The following SRP14 variants were observed in gnomAD, a reference collection of about 807,000 sequenced individuals.
SRP14 encodes signal recognition particle 14, also known as signal recognition particle 14 kDa protein.
A neutral mutation model predicts 16.0 loss-of-function variants in SRP14; 1 was observed. The ratio of observed to expected loss-of-function variants is 0.06; its 90% CI spans 0.02 to 0.30. The LOEUF is 0.30. Ranked by LOEUF, SRP14 falls within the 10% of genes least tolerant of loss-of-function variation. The pLI is 1.00. For synonymous variants in SRP14, 67 were observed against 60.1 expected (o/e 1.12, Z -0.53); for missense variants, 120 against 163.1 (o/e 0.74, Z 1.44).
intron 3 of SRP14, chr15:40,037,278 G>GAAAAAAAAAAAAAAAAAAAA: frequency 5.2e-6 from 1 of 193,392 alleles, no homozygotes; most frequent in Non-Finnish European, 6.7e-6. Context: ...CTCCTTTTGG[G>GAAAAAAAAAAAAAAAAAAAA]GAAAAAAAAA....
rs2035682806 is a variant in SRP14, at chr15:40,039,180, CT to C, written c.-65del. The stretch of plus-strand genomic sequence containing the variant: ...TAGCAGTGAGAGCCGGAAGTTCGGC[CT>C]AGGCTGGGCGGGACTTCCGCTACTA... On this transcript the variant is annotated 5_prime_UTR_variant, in exon 1 of 5. Coordinates refer to ENST00000267884, the MANE Select transcript of SRP14 (RefSeq NM_003134.6). 1.3e-5 allele frequency: 21 copies of C among 1,569,526 alleles called. No individual in the cohort carries two copies. Among genetic ancestry groups the C allele is most frequent in the Non-Finnish European group, 1.8e-5 (21 of 1,160,288 alleles).
Position 40,039,167 on chromosome 15 carries a change from C to T in SRP14, c.-51G>A, listed in dbSNP as rs2035682457. On this transcript the variant is annotated 5_prime_UTR_variant, in exon 1 of 5. Coordinates refer to ENST00000267884, the MANE Select transcript of SRP14 (RefSeq NM_003134.6). The stretch of plus-strand genomic sequence containing the variant: ...CCGCTTAAGCCCCTAGCAGTGAGAG[C>T]CGGAAGTTCGGCCTAGGCTGGGCGG... The T allele has an allele frequency of 6.3e-7, 1 of 1,590,454 alleles. No homozygotes were observed. Among genetic ancestry groups the T allele is most frequent in the Admixed American group, 1.7e-5 (1 of 57,592 alleles).
chr15:40,036,556 C>G, intron 4 of SRP14, 56 bp from the exon 5 acceptor site: 3 of 1,553,330 alleles, frequency 1.9e-6, no homozygotes, highest in South Asian at 1.1e-5. Flanking sequence ...TGGCAGAACA[C>G]CAGCCCTATC....
chr15:40,036,570 A>G (rs1243941936), intron 4 of SRP14, 70 bp from the exon 5 acceptor site: 4 of 1,512,580 alleles, frequency 2.6e-6, no homozygotes, highest in Non-Finnish European at 2.7e-6. Context: ...CCCTATCTGC[A>G]TAATGGATTT....
Position 40,036,251 on chromosome 15 carries a change from G to A in SRP14, c.*82C>T. The A allele has an allele frequency of 1.3e-6, 2 of 1,584,652 alleles. No homozygotes were observed. The highest frequency in any genetic ancestry group is 8.6e-7 in the Non-Finnish European group (1 of 1,161,418). On this transcript the variant is annotated 3_prime_UTR_variant, in exon 5 of 5. Transcript: ENST00000267884. The stretch of plus-strand genomic sequence containing the variant: ...TTATGTGAAAACACCTACTGTGGGG[G>A]AACCAGAAACCTAGCTATCTGGCCA...
intron 3 of SRP14, among the ~76,000 whole-genome samples, chr15:40,037,701 C>CTTG (rs79734328): frequency 0.24 from 5,594 of 23,442 alleles, 92 homozygotes; most frequent in Non-Finnish European, 0.37. Context: ...CTCAAGATAA[C>CTTG]TCAAGACTTC....
chr15:40,038,205 C>T (rs776094269), intron 3 of SRP14, 77 bp downstream of exon 3: 13 of 1,186,266 alleles, frequency 1.1e-5, no homozygotes, highest in Non-Finnish European at 1.5e-5. Context: ...AAATAAAAGC[C>T]TGGTTCAGAA....
intron 3 of SRP14, among the ~76,000 whole-genome samples, chr15:40,037,949 G>A (rs1430735836): frequency 2.0e-5 from 3 of 152,162 alleles, no homozygotes; most frequent in Admixed American, 6.5e-5. Flanking sequence ...AGCATCACCT[G>A]GTACCAAGAA....
chr15:40,038,142 G>A, intron 3 of SRP14, 140 bp downstream of exon 3: 3 of 672,954 alleles, frequency 4.5e-6, no homozygotes, highest in Non-Finnish European at 7.8e-6. Context: ...CACTACTAAA[G>A]TATAGGAAGG....
intron 2 of SRP14, 97 bp from the exon 3 acceptor site, chr15:40,038,491 A>C (rs1595446140): frequency 1.2e-6 from 1 of 838,616 alleles, no homozygotes; most frequent in Non-Finnish European, 2.0e-6. Context: ...TGATGACCTA[A>C]CCCAGCCCCG....
At chr15:40,037,278 G>GTAAAAAA in intron 3 of SRP14, 1 of 193,384 alleles carries the variant, frequency 5.2e-6, no homozygotes, top group East Asian at 2.0e-4. Flanking sequence ...CTCCTTTTGG[G>GTAAAAAA]GAAAAAAAAA....
chr15:40,038,841 A>T, intron 2 of SRP14, 35 bp downstream of exon 2: 3 of 1,608,132 alleles, frequency 1.9e-6, no homozygotes, highest in Non-Finnish European at 2.6e-6. Context: ...CCGGGAACCC[A>T]GGGAGCATCG....
At chr15:40,039,063 C>A in intron 1 of SRP14, 30 bp downstream of exon 1, 1 of 1,608,850 alleles carries the variant, frequency 6.2e-7, no homozygotes, top group Non-Finnish European at 8.5e-7. Context: ...GAGCCGCCCC[C>A]TTCCCTCGGC....
chr15:40,039,008 A>G, intron 1 of SRP14, 60 bp from the exon 2 acceptor site: 12 of 1,605,758 alleles, frequency 7.5e-6, no homozygotes, highest in Non-Finnish European at 7.7e-6. Flanking sequence ...TGCCGCGTCA[A>G]GGCCCTGGTC....
At chr15:40,038,654 G>A in intron 2 of SRP14, 2 of 615,536 alleles carry the variant, frequency 3.2e-6, no homozygotes, top group East Asian at 2.7e-5. Flanking sequence ...AGAGCCCTGG[G>A]CTGCTTGGGG....
chr15:40,036,239 C>G lies in SRP14; in HGVS notation c.*94G>C, dbSNP rs2035617161. ...AGGACCCTAATCTTATGTGAAAACA[C>G]CTACTGTGGGGGAACCAGAAACCTA... On this transcript the variant is annotated 3_prime_UTR_variant, in exon 5 of 5. Transcript: ENST00000267884. 1 of 1,568,018 alleles carries G rather than the reference C, an allele frequency of 6.4e-7. No homozygotes were observed.
rs771442069 is a variant in SRP14, at chr15:40,039,131, C to T, written c.-15G>A. The T allele has an allele frequency of 1.2e-6, 2 of 1,609,008 alleles. No homozygotes were observed. Among genetic ancestry groups the T allele is most frequent in the African/African-American group, 1.3e-5 (1 of 74,996 alleles). On this transcript the variant is annotated 5_prime_UTR_variant, in exon 1 of 5. Transcript: ENST00000267884. ...AACAACACCATCGCGGCGACGCTGG[C>T]TCGACTCCCTCCGCTTAAGCCCCTA... is the stretch of plus-strand genomic sequence containing the variant.
Position 40,036,454 on chromosome 15 carries a change from C to T in SRP14, c.290G>A (p.Arg97Lys). Residue 97 changes from arginine to lysine, a missense_variant, in exon 5 of 5, where the codon AGA becomes AAA. Arg to Lys is a conservative substitution (Grantham distance 26). Coordinates refer to ENST00000267884, the MANE Select transcript of SRP14 (RefSeq NM_003134.6). ...LRANMDGLKK[R>K]DKKNKTKKTK... ...CTTCTTAGTTTTGTTCTTTTTGTCTCTCTTCTTCAGCCCATCCATGTTAGC... is the reference window on the plus strand; with the variant it reads ...CTTCTTAGTTTTGTTCTTTTTGTCTTTCTTCTTCAGCCCATCCATGTTAGC... 1.2e-6 allele frequency: 2 copies of T among 1,614,138 alleles called. No individual in the cohort carries two copies. The highest frequency in any genetic ancestry group is 1.7e-6 in the Non-Finnish European group (2 of 1,180,026).
intron 4 of SRP14, 144 bp from the exon 5 acceptor site, chr15:40,036,644 A>G: frequency 1.2e-6 from 1 of 804,534 alleles, no homozygotes; most frequent in Non-Finnish European, 2.0e-6. Context: ...AAATGGTATA[A>G]GCATAAAACA....
Sources: allele counts gnomAD v4.1 joint callset (sites outside exome capture counted in the v4.1 genomes callset), GRCh38; gene constraint gnomAD v4.1.1; transcripts MANE v1.5; gene names NCBI Gene and HGNC (gene_info 2026-07-23, HGNC 2026-07-21).